Variants in OXCT1 observed in about 807,000 individuals in gnomAD.
OXCT1 encodes succinyl-CoA:3-ketoacid coenzyme A transferase 1, mitochondrial.
In OXCT1, 27 loss-of-function variants were observed where a neutral mutation model predicts 69.6. The observed-to-expected ratio is 0.39, with a 90% CI of 0.29 to 0.54. OXCT1 has a LOEUF of 0.54. OXCT1 is among the 20% of genes least tolerant of loss of function. OXCT1 has a pLI of 0.72. For missense variants in OXCT1, 437 were observed against 650.2 expected, an observed-to-expected ratio of 0.67 and a Z score of 3.57; for synonymous variants, 202 against 217.8, an observed-to-expected ratio of 0.93 and a Z score of 0.64.
chr5:41,779,224 G>A (rs1421126393), intron 13 of OXCT1, among the ~76,000 whole-genome samples: 1 of 152,086 alleles, frequency 6.6e-6, no homozygotes, highest in Non-Finnish European at 1.5e-5. Context: ...TAAATCCACA[G>A]CTTAGAGGTT....
In OXCT1 at chr5:41,771,763, C is replaced by T. The variant is rs190501010; in HGVS notation, c.1249-9563G>A. Among the ~76,000 whole-genome samples, 4 of 152,276 alleles carry T rather than the reference C, an allele frequency of 2.6e-5. No homozygotes were observed. The East Asian group carries it at 7.7e-4, about 29-fold the overall frequency. On this transcript the variant is annotated intron_variant, in intron 13 of 16. Coordinates refer to ENST00000196371, the MANE Select transcript of OXCT1 (RefSeq NM_000436.4). ...TAGCTAAGCACTGGAGCTTCTGGGCCTGTATACTACCCAGAAACAGAATAA... is the reference window on the plus strand; with the variant it reads ...TAGCTAAGCACTGGAGCTTCTGGGCTTGTATACTACCCAGAAACAGAATAA...
chr5:41,850,464 G>A (rs903382217), intron 4 of OXCT1, among the ~76,000 whole-genome samples: 2 of 152,052 alleles, frequency 1.3e-5, no homozygotes, highest in Non-Finnish European at 2.9e-5. Context: ...ACATTTAAAT[G>A]TGTCTATTTT....
chr5:41,773,559 C>A (rs1744979819), intron 13 of OXCT1, among the ~76,000 whole-genome samples: 2 of 151,956 alleles, frequency 1.3e-5, no homozygotes, highest in African/African-American at 2.4e-5. Flanking sequence ...ACTGCACCAA[C>A]CAACGCACTC....
At chr5:41,770,748 T>G (rs2112137143) in intron 13 of OXCT1, among the ~76,000 whole-genome samples, 1 of 152,338 alleles carries the variant, frequency 6.6e-6, no homozygotes, top group East Asian at 1.9e-4. Flanking sequence ...AAATCCATTT[T>G]TATAAATTCC....
chr5:41,808,155 T>C (rs1746779200), intron 7 of OXCT1, among the ~76,000 whole-genome samples: 1 of 152,066 alleles, frequency 6.6e-6, no homozygotes, highest in Non-Finnish European at 1.5e-5. Flanking sequence ...AAAGACAATT[T>C]TTCTATCAAC....
At chr5:41,834,469 C>T (rs1179465167) in intron 7 of OXCT1, among the ~76,000 whole-genome samples, 1 of 124,112 alleles carries the variant, frequency 8.1e-6, no homozygotes, top group Non-Finnish European at 1.6e-5. Context: ...AAATATATCC[C>T]ATGCCAATGG....
intron 13 of OXCT1, 29 bp downstream of exon 13, chr5:41,793,974 A>T (rs765207509): frequency 7.5e-7 from 1 of 1,326,812 alleles, no homozygotes; most frequent in Admixed American, 1.7e-5. Flanking sequence ...TGATCCAAAC[A>T]TAATTCAGAA....
In OXCT1 at chr5:41,794,336, T is replaced by C. The variant is rs971830081; in HGVS notation, c.1173-258A>G. 8 of 592,588 alleles carry C rather than the reference T, an allele frequency of 1.4e-5. No homozygotes were observed. In the African/African-American group the frequency reaches 1.5e-4, roughly 11 times the overall value. The allele number at this position is 592,588 out of a possible 1,614,324, so 36.7% of individuals were successfully genotyped here. A position where few individuals can be genotyped will look rare whatever the true frequency, so the allele number is the denominator to read the frequency against. ...TACACAGGAAGACTGTTTCCTTCAG[T>C]GAGGCAGAATGTGACTACTTGAACA... On this transcript the variant is annotated intron_variant, in intron 12 of 16. Transcript: ENST00000196371.
chr5:41,836,791 C>T (rs947033643), intron 7 of OXCT1, among the ~76,000 whole-genome samples: 14 of 152,166 alleles, frequency 9.2e-5, no homozygotes, highest in African/African-American at 2.9e-4. Flanking sequence ...TCCCACTGTG[C>T]GGCCCAGTTC....
At chr5:41,764,177 C>T (rs1417229974) in intron 13 of OXCT1, among the ~76,000 whole-genome samples, 1 of 152,010 alleles carries the variant, frequency 6.6e-6, no homozygotes, top group East Asian at 1.9e-4. Flanking sequence ...TGCTTGTTTC[C>T]AAGAGTGAAA....
intron 4 of OXCT1, 27 bp downstream of exon 4, chr5:41,853,392 T>C (rs773300535): frequency 1.2e-6 from 2 of 1,602,418 alleles, no homozygotes; most frequent in Non-Finnish European, 1.7e-6. Flanking sequence ...TAAGTTAGTA[T>C]TATAAAAGAA....
intron 14 of OXCT1, among the ~76,000 whole-genome samples, chr5:41,758,282 T>C (rs190914541): frequency 7.2e-5 from 11 of 152,218 alleles, no homozygotes; most frequent in Non-Finnish European, 1.3e-4. Context: ...GATGATTTAG[T>C]TGGCAAAATT....
intron 13 of OXCT1, among the ~76,000 whole-genome samples, chr5:41,767,315 A>T (rs1300992365): frequency 6.6e-6 from 1 of 152,110 alleles, no homozygotes. Flanking sequence ...GATTATGTAA[A>T]CCAACTAATA....
At position 41,820,207 on chromosome 5, in the gene OXCT1, G is replaced by A. The variant is rs148213475; in HGVS notation, c.733-12769C>T. On this transcript the variant is annotated intron_variant, in intron 7 of 16. Coordinates refer to ENST00000196371, the MANE Select transcript of OXCT1 (RefSeq NM_000436.4). The stretch of plus-strand genomic sequence containing the variant: ...CAATGTCTCTTGTCAAAGATATTGA[G>A]TTAAAACTATAGGGTGGCATTTTTC... 6.6e-5 allele frequency among the ~76,000 whole-genome samples: 10 copies of A among 152,256 alleles called. No individual in the cohort carries two copies. The East Asian group carries it at 1.7e-3, about 26-fold the overall frequency.
chr5:41,741,176 T>C (rs983548279), intron 15 of OXCT1, among the ~76,000 whole-genome samples: 1 of 152,152 alleles, frequency 6.6e-6, no homozygotes. Context: ...GGTCTCAAAT[T>C]CCTGACCTCA....
chr5:41,823,215 T>C (rs1405111626), intron 7 of OXCT1, among the ~76,000 whole-genome samples: 1 of 152,202 alleles, frequency 6.6e-6, no homozygotes, highest in Non-Finnish European at 1.5e-5. Context: ...TATCATTCAT[T>C]TCACTTGAAG....
chr5:41,740,236 T>A (rs1001383156), intron 15 of OXCT1, among the ~76,000 whole-genome samples: 2 of 152,156 alleles, frequency 1.3e-5, no homozygotes, highest in Admixed American at 1.3e-4. Flanking sequence ...TAAATGATAT[T>A]GGGTAAAGAA....
At chr5:41,797,490 C>T (rs143127451) in intron 11 of OXCT1, among the ~76,000 whole-genome samples, 338 of 152,260 alleles carry the variant, frequency 2.2e-3, no homozygotes, top group Non-Finnish European at 3.8e-3. Context: ...CAAGAAAAGT[C>T]GTAACTAAAG....
In OXCT1 at chr5:41,826,644, TGAAAA is replaced by T. The variant is rs551946742; in HGVS notation, c.732+13802_732+13806del. ...TCTCATATTCTGTTCAAAAAAAAAA[TGAAAA>T]GAAAAAAGATAAGCCTCCTCAGGAT... is the stretch of plus-strand genomic sequence containing the variant. On this transcript the variant is annotated intron_variant, in intron 7 of 16. Coordinates refer to ENST00000196371, the MANE Select transcript of OXCT1 (RefSeq NM_000436.4). Among the ~76,000 whole-genome samples the T allele has an allele frequency of 4.6e-5, 7 of 151,480 alleles. No individual in the cohort carries two copies. In the South Asian group the frequency reaches 1.5e-3, roughly 32 times the overall value.
Sources: allele counts gnomAD v4.1 joint callset (sites outside exome capture counted in the v4.1 genomes callset), GRCh38; gene constraint gnomAD v4.1.1; transcripts MANE v1.5; gene names NCBI Gene and HGNC (gene_info 2026-07-23, HGNC 2026-07-21).